RBFOX1: variants seen among roughly 807,000 people sequenced by gnomAD.
RBFOX1 encodes the protein RNA binding protein fox-1 homolog 1.
A neutral mutation model predicts 57.7 loss-of-function variants in RBFOX1; 8 were observed. That is an observed-to-expected ratio of 0.14 (90% confidence interval 0.08 to 0.25). RBFOX1 has a LOEUF of 0.25. RBFOX1 is among the 10% of genes least tolerant of loss of function. RBFOX1 has a pLI of 1.00. For missense variants in RBFOX1, 611 were observed against 548.5 expected (o/e 1.11, Z -1.14); for synonymous variants, 326 against 222.4 (o/e 1.47, Z -4.15).
At chr16:6,247,720 A>T (rs2097576943) in intron 1 of RBFOX1, among the ~76,000 whole-genome samples, 2 of 152,230 alleles carry the variant, frequency 1.3e-5, no homozygotes. Context: ...CAAAGCTAGG[A>T]TTCAAACTCA....
chr16:5,424,983 C>CTTTCTTT (rs1567490644), intron 1 of RBFOX1, among the ~76,000 whole-genome samples: 3,141 of 25,490 alleles, frequency 0.12, 187 homozygotes, highest in Middle Eastern at 0.25. Flanking sequence ...TCTTTCTTTT[C>CTTTCTTT]TTTTCTTTTC....
At chr16:6,591,001 C>T (rs1283266190) in intron 2 of RBFOX1, among the ~76,000 whole-genome samples, 19 of 152,150 alleles carry the variant, frequency 1.2e-4, no homozygotes, top group Non-Finnish European at 2.9e-5. Context: ...TACATAACCT[C>T]TCTGAACTTG....
chr16:6,857,086 G>A (rs533407308), intron 3 of RBFOX1, among the ~76,000 whole-genome samples: 9 of 152,248 alleles, frequency 5.9e-5, no homozygotes, highest in African/African-American at 2.2e-4. Flanking sequence ...CTTATTTGTT[G>A]TGAAGTGATT....
intron 3 of RBFOX1, among the ~76,000 whole-genome samples, chr16:6,763,574 C>G (rs995184241): frequency 9.2e-5 from 14 of 152,180 alleles, no homozygotes; most frequent in African/African-American, 1.2e-4. Context: ...TCTTAATAAG[C>G]TATCATTGAC....
intron 1 of RBFOX1, among the ~76,000 whole-genome samples, chr16:5,437,923 T>C (rs548207080): frequency 2.1e-3 from 314 of 152,322 alleles, no homozygotes; most frequent in South Asian, 8.5e-3. Flanking sequence ...TGAGTTTGTG[T>C]GTATATTTTT....
At chr16:7,612,369 C>G (rs1485834633) in intron 10 of RBFOX1, among the ~76,000 whole-genome samples, 2 of 148,666 alleles carry the variant, frequency 1.3e-5, no homozygotes, top group Non-Finnish European at 3.0e-5. Flanking sequence ...TTGTAAGTCC[C>G]CACACACAAA....
chr16:7,196,465 C>A (rs2086719407), intron 4 of RBFOX1, among the ~76,000 whole-genome samples: 1 of 152,160 alleles, frequency 6.6e-6, no homozygotes, highest in Non-Finnish European at 1.5e-5. Flanking sequence ...AGTGTAGGTA[C>A]CCAAAGGTCC....
At chr16:5,889,639 C>T (rs2057997007) in intron 4 of RBFOX1, among the ~76,000 whole-genome samples, 1 of 152,204 alleles carries the variant, frequency 6.6e-6, no homozygotes, top group Non-Finnish European at 1.5e-5. Flanking sequence ...AAGCAGACTC[C>T]ACACATGTCC....
intron 2 of RBFOX1, among the ~76,000 whole-genome samples, chr16:6,491,190 A>G (rs10431958): frequency 6.6e-6 from 1 of 151,866 alleles, no homozygotes; most frequent in African/African-American, 2.4e-5. Context: ...ATTTATATGT[A>G]CATATAAACT....
At chr16:6,861,166 G>A (rs910120122) in intron 3 of RBFOX1, among the ~76,000 whole-genome samples, 2 of 152,160 alleles carry the variant, frequency 1.3e-5, no homozygotes, top group Non-Finnish European at 2.9e-5. Flanking sequence ...TATGTCTCAT[G>A]TATTGCATAA....
At chr16:6,679,850 C>A (rs1240828537) in intron 3 of RBFOX1, among the ~76,000 whole-genome samples, 1 of 145,432 alleles carries the variant, frequency 6.9e-6, no homozygotes, top group East Asian at 2.0e-4. Context: ...ACACTGGGAC[C>A]TTCTACATAA....
At chr16:7,420,938 T>TATATATATATACACATATATATAC (rs1400319463) in intron 4 of RBFOX1, among the ~76,000 whole-genome samples, 8 of 140,128 alleles carry the variant, frequency 5.7e-5, no homozygotes, top group East Asian at 2.0e-4. Flanking sequence ...CATATATATA[T>TATATATATATACACATATATATAC]ACACACACAC....
chr16:5,989,390 C>T (rs2060347776), intron 4 of RBFOX1, among the ~76,000 whole-genome samples: 1 of 152,014 alleles, frequency 6.6e-6, no homozygotes, highest in Admixed American at 6.6e-5. Context: ...GGGGGTTTCC[C>T]TATAAAATGA....
In RBFOX1 at chr16:6,925,109, G is replaced by GTTTTTTTTTTTTTTTTTTTTTTT. The variant is rs57556084; in HGVS notation, c.-15-126928_-15-126906dup. ...TCGTTGTTGGACATCTAGGTTGTTG[G>GTTTTTTTTTTTTTTTTTTTTTTT]TTTTTTTTTTTTTTTTTTTTTTTTT... On this transcript the variant is annotated intron_variant, in intron 3 of 15. Transcript: ENST00000550418. 2.0e-4 allele frequency among the ~76,000 whole-genome samples: 9 copies of GTTTTTTTTTTTTTTTTTTTTTTT among 45,250 alleles called. 2 individuals carry two copies. The highest frequency in any genetic ancestry group is 7.1e-4 in the African/African-American group (8 of 11,332). The allele number at this position is 45,250 out of a possible 152,430, so 29.7% of individuals were successfully genotyped here. A position where few individuals can be genotyped will look rare whatever the true frequency, so the allele number is the denominator to read the frequency against.
intron 1 of RBFOX1, among the ~76,000 whole-genome samples, chr16:6,268,092 C>G (rs2074751243): frequency 6.6e-6 from 1 of 152,180 alleles, no homozygotes; most frequent in Non-Finnish European, 1.5e-5. Flanking sequence ...ACTGGGTAAA[C>G]ACAAACCCTC....
chr16:5,289,162 A>C (rs1318582014), intron 1 of RBFOX1: 1 of 254,220 alleles, frequency 3.9e-6, no homozygotes, highest in Non-Finnish European at 8.1e-6. Context: ...ACATTAAAAA[A>C]CCAACACTGA....
intron 1 of RBFOX1, among the ~76,000 whole-genome samples, chr16:5,293,002 C>T (rs1214381329): frequency 2.0e-5 from 3 of 151,976 alleles, no homozygotes; most frequent in African/African-American, 7.2e-5. Flanking sequence ...GTTTGATTTT[C>T]TGGAGGTGGA....
chr16:7,391,014 G>C (rs182709091), intron 4 of RBFOX1, among the ~76,000 whole-genome samples: 1 of 152,192 alleles, frequency 6.6e-6, no homozygotes, highest in Non-Finnish European at 1.5e-5. Context: ...GCTGACCCTC[G>C]TGCTTTTTGG....
intron 5 of RBFOX1, among the ~76,000 whole-genome samples, chr16:7,543,249 A>C (rs1214214107): frequency 1.3e-5 from 2 of 152,248 alleles, no homozygotes; most frequent in Admixed American, 6.5e-5. Context: ...GGCAAGTCTT[A>C]CAAATCTGGC....
Sources: allele counts gnomAD v4.1 joint callset (sites outside exome capture counted in the v4.1 genomes callset), GRCh38; gene constraint gnomAD v4.1.1; transcripts MANE v1.5; gene names NCBI Gene and HGNC (gene_info 2026-07-23, HGNC 2026-07-21).